Variants in CNGA1 observed in about 807,000 individuals in gnomAD.
The protein encoded by CNGA1 is cyclic nucleotide gated channel subunit alpha 1.
In CNGA1, 53 loss-of-function variants were observed where a neutral mutation model predicts 69.7. The ratio of observed to expected loss-of-function variants is 0.76; its 90% confidence interval spans 0.61 to 0.96. The LOEUF is 0.96. CNGA1 is among the 40% of genes least tolerant of loss of function. The pLI is 0.00. For synonymous variants in CNGA1, 249 were observed against 283.5 expected, an observed-to-expected ratio of 0.88 and a Z score of 1.22; for missense variants, 739 against 811.2, an observed-to-expected ratio of 0.91 and a Z score of 1.08.
chr4:48,002,181 G>T (rs930275537), intron 2 of CNGA1, among the ~76,000 whole-genome samples: 1 of 151,978 alleles, frequency 6.6e-6, no homozygotes, highest in African/African-American at 2.4e-5. Context: ...AAGGAAGGAG[G>T]TAATAAAAAT....
At chr4:48,012,306 A>G (rs1715198875) in intron 1 of CNGA1, among the ~76,000 whole-genome samples, 1 of 152,174 alleles carries the variant, frequency 6.6e-6, no homozygotes, top group Admixed American at 6.5e-5. Flanking sequence ...CTGCTATTTC[A>G]GAAGTACCAA....
At chr4:47,949,981 T>C in intron 5 of CNGA1, 86 bp from the exon 6 acceptor site, 1 of 1,112,416 alleles carries the variant, frequency 9.0e-7, no homozygotes, top group Non-Finnish European at 1.4e-6. Flanking sequence ...AAAAAACAAA[T>C]TCTTCTCCAT....
chr4:47,940,975 T>C, intron 9 of CNGA1, 106 bp from the exon 10 acceptor site: 3 of 748,552 alleles, frequency 4.0e-6, no homozygotes, highest in Middle Eastern at 3.4e-4. Flanking sequence ...CACAGCACAC[T>C]CAGGCTAGGA....
rs574541202 is a variant in CNGA1 at position 47,994,939 on chromosome 4, C to A, written c.-122-13439G>T. On this transcript the variant is annotated intron_variant, in intron 2 of 10. Transcript: ENST00000514170. The stretch of plus-strand genomic sequence containing the variant: ...CTGTATCTTTCCTTCATATATGAAG[C>A]TTGGCTTCACTGGATACACAATTGT... Among the ~76,000 whole-genome samples, 12 of 152,206 alleles carry A rather than the reference C, an allele frequency of 7.9e-5. No homozygotes were observed. The East Asian group carries it at 2.3e-3, about 29-fold the overall frequency.
At position 47,940,755 on chromosome 4, in the gene CNGA1, A is replaced by C. The variant is rs1335003618; in HGVS notation, c.652+8T>G. 10 of 1,515,316 alleles carry C rather than the reference A, an allele frequency of 6.6e-6. No homozygotes were observed. Among genetic ancestry groups the C allele is most frequent in the Non-Finnish European group, 9.2e-6 (10 of 1,090,914 alleles). 93.9% of individuals were successfully genotyped at this position (1,515,316 alleles called of 1,614,324 possible). On this transcript the variant is annotated splice_region_variant and intron_variant, in intron 10 of 10. Transcript: ENST00000514170. ...AATTTTAAAATATTCAAAACTGAAC[A>C]TATTTACCTGTCCTTGTTCGTACAA...
chr4:47,995,649 T>C (rs1158358746), intron 2 of CNGA1, among the ~76,000 whole-genome samples: 1 of 152,096 alleles, frequency 6.6e-6, no homozygotes, highest in African/African-American at 2.4e-5. Flanking sequence ...TTCAGGTAAA[T>C]CAGGGGTTCT....
intron 3 of CNGA1, among the ~76,000 whole-genome samples, chr4:47,974,905 A>G (rs1304231399): frequency 6.6e-6 from 1 of 152,178 alleles, no homozygotes; most frequent in Non-Finnish European, 1.5e-5. Flanking sequence ...TCTGAGTTAC[A>G]GGGTCCTCTC....
At chr4:48,000,803 A>G (rs184081027) in intron 2 of CNGA1, among the ~76,000 whole-genome samples, 7 of 152,348 alleles carry the variant, frequency 4.6e-5, no homozygotes, top group Admixed American at 3.9e-4. Flanking sequence ...TTAGAATATA[A>G]CAAAGTAGTA....
At chr4:47,978,508 T>C (rs564780917) in intron 3 of CNGA1, among the ~76,000 whole-genome samples, 1 of 152,266 alleles carries the variant, frequency 6.6e-6, no homozygotes, top group Non-Finnish European at 1.5e-5. Context: ...TTATTACTGG[T>C]CTAGAGGAAA....
intron 3 of CNGA1, 74 bp downstream of exon 3, chr4:47,981,319 T>C (rs1741699615): frequency 6.6e-6 from 1 of 152,154 alleles, no homozygotes; most frequent in African/African-American, 2.4e-5. Flanking sequence ...AGCTGAAACT[T>C]TAAAGAGTCA....
At chr4:47,999,809 T>G (rs1714582020) in intron 2 of CNGA1, among the ~76,000 whole-genome samples, 1 of 152,126 alleles carries the variant, frequency 6.6e-6, no homozygotes, top group Non-Finnish European at 1.5e-5. Flanking sequence ...AGGCAGAGGT[T>G]GTAGTGAGCC....
At chr4:47,997,135 C>T (rs1428416723) in intron 2 of CNGA1, among the ~76,000 whole-genome samples, 1 of 152,126 alleles carries the variant, frequency 6.6e-6, no homozygotes, top group Non-Finnish European at 1.5e-5. Context: ...TACCTGAAGA[C>T]TTTTGCAGAG....
At chr4:48,008,201 C>A (rs544974703) in intron 2 of CNGA1, among the ~76,000 whole-genome samples, 2 of 151,906 alleles carry the variant, frequency 1.3e-5, no homozygotes, top group South Asian at 4.1e-4. Context: ...TAAATAAATT[C>A]TTTCATTGTG....
chr4:47,995,285 G>C (rs931381754), intron 2 of CNGA1, among the ~76,000 whole-genome samples: 2 of 152,010 alleles, frequency 1.3e-5, no homozygotes, highest in African/African-American at 2.4e-5. Context: ...CAAACTTTTA[G>C]AATTCTTAGA....
At chr4:47,980,380 G>A (rs1454982869) in intron 3 of CNGA1, among the ~76,000 whole-genome samples, 1 of 151,678 alleles carries the variant, frequency 6.6e-6, no homozygotes, top group African/African-American at 2.4e-5. Context: ...TTTGAAACAT[G>A]TAATCTTATT....
At chr4:47,963,664 C>T (rs187470144) in intron 3 of CNGA1, among the ~76,000 whole-genome samples, 2 of 152,256 alleles carry the variant, frequency 1.3e-5, no homozygotes, top group East Asian at 1.9e-4. Context: ...ATAATCCTCA[C>T]GGTAGCATAT....
chr4:47,967,865 C>A (rs567311699), intron 3 of CNGA1, among the ~76,000 whole-genome samples: 81 of 152,124 alleles, frequency 5.3e-4, no homozygotes, highest in African/African-American at 1.8e-3. Context: ...GTGGTCCCAG[C>A]TACTTGGGAG....
chr4:48,002,771 A>C (rs1379081967), intron 2 of CNGA1, among the ~76,000 whole-genome samples: 14 of 151,950 alleles, frequency 9.2e-5, no homozygotes, highest in Admixed American at 9.2e-4. Context: ...TGTTATTTGC[A>C]GGAGTAATTG....
chr4:47,988,043 G>A (rs540594802), intron 2 of CNGA1, among the ~76,000 whole-genome samples: 19 of 152,300 alleles, frequency 1.2e-4, no homozygotes, highest in African/African-American at 3.6e-4. Context: ...AGTGAGAGGT[G>A]AGCATGGTTC....
Sources: allele counts gnomAD v4.1 joint callset (sites outside exome capture counted in the v4.1 genomes callset), GRCh38; gene constraint gnomAD v4.1.1; transcripts MANE v1.5; gene names NCBI Gene and HGNC (gene_info 2026-07-23, HGNC 2026-07-21).